KCNAB2: variants seen among roughly 807,000 people sequenced by gnomAD.
KCNAB2 encodes voltage-gated potassium channel subunit beta-2.
In KCNAB2, 29 loss-of-function variants were observed where a neutral mutation model predicts 63.6. That is an observed-to-expected ratio of 0.46 (90% CI 0.34 to 0.62). The LOEUF (loss-of-function observed/expected upper bound fraction) is 0.62, where lower values mean the gene tolerates loss of function less well. KCNAB2 is among the 20% of genes least tolerant of loss of function. The pLI is 0.01. For synonymous variants in KCNAB2, 222 were observed against 224.2 expected (o/e 0.99, Z 0.09); for missense variants, 359 against 563.9 (o/e 0.64, Z 3.68).
At chr1:6,080,255 A>T (rs924652602) in intron 4 of KCNAB2, among the ~76,000 whole-genome samples, 2 of 152,114 alleles carry the variant, frequency 1.3e-5, no homozygotes, top group African/African-American at 4.8e-5. Flanking sequence ...GAAGACGAGG[A>T]GGAAGCAGTG....
intron 2 of KCNAB2, among the ~76,000 whole-genome samples, chr1:6,056,271 C>T (rs560914362): frequency 8.5e-5 from 13 of 152,344 alleles, no homozygotes; most frequent in South Asian, 2.1e-4. Context: ...TCTCAAACTC[C>T]TGACCTCAAG....
At chr1:6,009,143 C>T (rs1657997272) in intron 1 of KCNAB2, among the ~76,000 whole-genome samples, 1 of 152,222 alleles carries the variant, frequency 6.6e-6, no homozygotes, top group Non-Finnish European at 1.5e-5. Flanking sequence ...GCTAGGGTCA[C>T]CCAGCACCAC....
intron 2 of KCNAB2, among the ~76,000 whole-genome samples, chr1:6,065,725 G>A (rs543297691): frequency 5.3e-4 from 80 of 152,312 alleles, no homozygotes; most frequent in African/African-American, 1.8e-3. Context: ...CTGAGGACTT[G>A]GGCAGCCAGG....
intron 15 of KCNAB2, chr1:6,098,129 G>A (rs1259029511): frequency 2.9e-6 from 3 of 1,028,706 alleles, no homozygotes; most frequent in Non-Finnish European, 3.5e-6. Context: ...CGGAAGGGTG[G>A]CGGTGCTGTA....
chr1:6,098,263 T>G, intron 15 of KCNAB2: 1 of 1,340,726 alleles, frequency 7.5e-7, no homozygotes, highest in Non-Finnish European at 9.6e-7. Flanking sequence ...CACCTTGACA[T>G]TTGAGAGGGA....
Position 6,082,225 on chromosome 1 carries a change from G to A in KCNAB2, c.331G>A (p.Asp111Asn), listed in dbSNP as rs1193231091. The A allele has an allele frequency of 6.2e-7, 1 of 1,613,914 alleles. No individual in the cohort carries two copies. Among genetic ancestry groups the A allele is most frequent in the Non-Finnish European group, 8.5e-7 (1 of 1,179,806 alleles). ...MAEQLMTLAYDNGINLFDTAE... is the reference protein window; with the variant it reads ...MAEQLMTLAYNNGINLFDTAE... ...AGAGCAGCTCATGACCTTGGCCTATGATAATGGCATCAACCTCTTCGATAC... is the reference window on the plus strand; with the variant it reads ...AGAGCAGCTCATGACCTTGGCCTATAATAATGGCATCAACCTCTTCGATAC... Residue 111 changes from aspartate (D) to asparagine (N), a missense_variant, in exon 5 of 16, where the codon GAT (aspartate) becomes AAT (asparagine). Around this residue, in one of 2 missense-constraint regions of KCNAB2, gnomAD observed 271 missense variants for 476.1 expected, o/e 0.57. Transcript: ENST00000378083.
At position 6,083,413 on chromosome 1, in the gene KCNAB2, C is replaced by T. The variant is rs546924027; in HGVS notation, c.380+1139C>T. Among the ~76,000 whole-genome samples, 83 of 152,324 alleles carry T rather than the reference C, an allele frequency of 5.4e-4. 2 individuals carry two copies. In the South Asian group the frequency reaches 8.9e-3, roughly 16 times the overall value. On this transcript the variant is annotated intron_variant, in intron 5 of 15. Transcript: ENST00000378083. Reference sequence around the variant, plus strand: ...ACCCCATGTCACAGCAGCCACACTCCGTCCTCTGTCACTCGCAGTTTCCAT... The same window carrying T: ...ACCCCATGTCACAGCAGCCACACTCTGTCCTCTGTCACTCGCAGTTTCCAT...
intron 1 of KCNAB2, among the ~76,000 whole-genome samples, chr1:6,008,848 G>A (rs12404082): frequency 0.017 from 2,639 of 152,274 alleles, 67 homozygotes; most frequent in Admixed American, 0.083. Context: ...ACTTGTTTCC[G>A]TGGGAACCTC....
intron 1 of KCNAB2, 65 bp from the exon 2 acceptor site, chr1:6,051,446 C>T (rs1661374290): frequency 7.1e-7 from 1 of 1,412,720 alleles, no homozygotes; most frequent in Non-Finnish European, 9.2e-7. Flanking sequence ...TGCCCCAGGG[C>T]CAGCCATCCA....
At position 6,003,502 on chromosome 1, in the gene KCNAB2, A is replaced by G. The variant is rs1657381025; in HGVS notation, c.-53+10714A>G. 6.6e-6 allele frequency among the ~76,000 whole-genome samples: 1 copy of G among 152,186 alleles called. No homozygotes were observed. Among genetic ancestry groups the G allele is most frequent in the Non-Finnish European group, 1.5e-5 (1 of 68,040 alleles). On this transcript the variant is annotated intron_variant, in intron 1 of 16. Transcript: ENST00000341524. The surrounding 1 kb of genome is among the most constrained non-coding windows in gnomAD (Gnocchi z 4.1). ...CCAGGAGCACTCACTGAGTGGCCAC[A>G]TTATACCCTCCCGTTTGTCTATAGT... is the stretch of plus-strand genomic sequence containing the variant.
chr1:5,997,197 G>A (rs1656988540), intron 1 of KCNAB2, among the ~76,000 whole-genome samples: 1 of 152,180 alleles, frequency 6.6e-6, no homozygotes, highest in Non-Finnish European at 1.5e-5. Flanking sequence ...TTCCTGGGCA[G>A]CCCAACGGAG....
At chr1:5,995,026 C>T (rs559772738) in intron 1 of KCNAB2, among the ~76,000 whole-genome samples, 7 of 152,282 alleles carry the variant, frequency 4.6e-5, no homozygotes, top group Admixed American at 3.9e-4. Flanking sequence ...GCTTCTGTTT[C>T]CAGGGACTCT....
intron 4 of KCNAB2, among the ~76,000 whole-genome samples, chr1:6,079,117 G>T (rs1320815140): frequency 1.3e-5 from 2 of 152,224 alleles, no homozygotes; most frequent in African/African-American, 2.4e-5. Flanking sequence ...CCGGAGCACA[G>T]GTGAGCGAGA....
intron 4 of KCNAB2, among the ~76,000 whole-genome samples, chr1:6,079,408 A>G (rs1177683511): frequency 6.6e-6 from 1 of 152,142 alleles, no homozygotes; most frequent in Non-Finnish European, 1.5e-5. Flanking sequence ...TAGTCCAGCT[A>G]CTCAGGAGAC....
intron 1 of KCNAB2, among the ~76,000 whole-genome samples, chr1:5,999,792 C>T (rs141793919): frequency 6.6e-6 from 1 of 152,088 alleles, no homozygotes; most frequent in East Asian, 1.9e-4. Flanking sequence ...CTGATTGTAC[C>T]CCATCTGCAC....
At chr1:6,044,305 C>T (rs752049881), upstream of KCNAB2, among the ~76,000 whole-genome samples, 8 of 152,104 alleles carry the variant, frequency 5.3e-5, no homozygotes, top group East Asian at 1.9e-4. Context: ...AGGCAGAGCA[C>T]GTCACAGGAG....
intron 2 of KCNAB2, among the ~76,000 whole-genome samples, chr1:6,070,032 C>T (rs1663066878): frequency 6.6e-6 from 1 of 152,206 alleles, no homozygotes; most frequent in African/African-American, 2.4e-5. Flanking sequence ...TCTCTTCAGC[C>T]CTGACCTGGC....
intron 6 of KCNAB2, 141 bp downstream of exon 6, chr1:6,085,389 T>C (rs1664612517): frequency 7.9e-6 from 6 of 757,438 alleles, no homozygotes; most frequent in Admixed American, 2.2e-5. Context: ...GAGAGGAAAA[T>C]TCAGTTCTCC....
Position 6,100,047 on chromosome 1 carries a change from C to T in KCNAB2, c.*1473C>T. The T allele has an allele frequency of 1.3e-5, 19 of 1,505,830 alleles. No homozygotes were observed. The highest frequency in any genetic ancestry group is 1.7e-5 in the Non-Finnish European group (19 of 1,125,020). The allele number at this position is 1,505,830 out of a possible 1,614,324, so 93.3% of individuals were successfully genotyped here. A position where few individuals can be genotyped will look rare whatever the true frequency, so the allele number is the denominator to read the frequency against. ...CATAGGGAAGCCTGTGTCTCCTGCC[C>T]CCAGGGCGCACCCTCAGTGCAGGCA... On this transcript the variant is annotated 3_prime_UTR_variant, in exon 16 of 16. Transcript: ENST00000378083.
Sources: gnomAD v4.1 joint callset for allele counts (sites outside exome capture counted in the v4.1 genomes callset) on GRCh38, gnomAD v4.1.1 for gene constraint, gnomAD v4.1.1 regional missense constraint, Gnocchi (gnomAD v3.1) non-coding constraint, MANE v1.5 for transcripts, NCBI Gene and HGNC (gene_info 2026-07-23, HGNC 2026-07-21) for gene names.